The following RBFOX1 variants were observed in gnomAD, a reference collection of about 807,000 sequenced individuals.
The protein encoded by RBFOX1 is RNA binding fox-1 homolog 1.
RBFOX1 carries 8 observed loss-of-function variants against 57.7 expected under a neutral mutation model. That is an observed-to-expected ratio of 0.14 (90% CI 0.08 to 0.25). RBFOX1 has a LOEUF of 0.25. Among genes scored for constraint, RBFOX1 ranks in the 10% least tolerant of loss-of-function variants. The pLI, the probability that RBFOX1 is intolerant of heterozygous loss-of-function variation, is 1.00. For synonymous variants in RBFOX1, 326 were observed against 222.4 expected, an observed-to-expected ratio of 1.47 and a Z score of -4.15; for missense variants, 611 against 548.5, an observed-to-expected ratio of 1.11 and a Z score of -1.14.
intron 3 of RBFOX1, among the ~76,000 whole-genome samples, chr16:6,701,927 G>C (rs1020571770): frequency 6.6e-6 from 1 of 152,104 alleles, no homozygotes; most frequent in Non-Finnish European, 1.5e-5. Flanking sequence ...AGGGACAACA[G>C]ACACCGGGGC....
intron 4 of RBFOX1, among the ~76,000 whole-genome samples, chr16:7,343,328 GA>G: frequency 6.6e-6 from 1 of 152,252 alleles, no homozygotes; most frequent in East Asian, 1.9e-4. Context: ...AGCTGCTATG[GA>G]TCAGTGTCCA....
At chr16:7,429,586 A>G (rs183867900) in intron 4 of RBFOX1, among the ~76,000 whole-genome samples, 18 of 152,328 alleles carry the variant, frequency 1.2e-4, no homozygotes, top group African/African-American at 4.3e-4. Context: ...AGAGCCTAGA[A>G]TCTAGAGGAG....
chr16:6,540,457 C>A (rs768309217), intron 2 of RBFOX1, among the ~76,000 whole-genome samples: 1 of 151,592 alleles, frequency 6.6e-6, no homozygotes, highest in Admixed American at 6.6e-5. Flanking sequence ...ACTAAAAATA[C>A]AAAAATTAGC....
At chr16:7,400,943 G>A (rs892275965) in intron 4 of RBFOX1, among the ~76,000 whole-genome samples, 12 of 152,054 alleles carry the variant, frequency 7.9e-5, no homozygotes, top group African/African-American at 2.7e-4. Flanking sequence ...ATACCACCAC[G>A]GTATTTTATT....
chr16:7,707,690 A>C (rs1184701458), intron 14 of RBFOX1, among the ~76,000 whole-genome samples: 1 of 152,290 alleles, frequency 6.6e-6, no homozygotes, highest in East Asian at 1.9e-4. Context: ...CTCCTCAGGA[A>C]AGCCCACAGC....
intron 4 of RBFOX1, among the ~76,000 whole-genome samples, chr16:7,449,437 A>G (rs1320953881): frequency 3.9e-5 from 6 of 152,168 alleles, no homozygotes; most frequent in Non-Finnish European, 4.4e-5. Flanking sequence ...GAGGTTTGGC[A>G]GGAGTGAGCC....
At chr16:6,217,656 A>T (rs999746644) in intron 1 of RBFOX1, among the ~76,000 whole-genome samples, 2 of 152,088 alleles carry the variant, frequency 1.3e-5, no homozygotes, top group East Asian at 3.9e-4. Flanking sequence ...GTCTCTTGGG[A>T]CCACTTCATT....
At chr16:6,193,379 TTATATATATATACTATATATATATATA>T (rs2097156057) in intron 1 of RBFOX1, among the ~76,000 whole-genome samples, 2 of 63,136 alleles carry the variant, frequency 3.2e-5, no homozygotes, top group African/African-American at 5.1e-5. Context: ...TATATATACA[TTATATATATATACTATATATATATATA>T]TATATATATA....
chr16:7,113,390 A>G lies in RBFOX1; in HGVS notation c.27+61292A>G, dbSNP rs555168550. On this transcript the variant is annotated intron_variant, in intron 4 of 15. Coordinates refer to ENST00000550418, the MANE Select transcript of RBFOX1 (RefSeq NM_018723.4). The stretch of plus-strand genomic sequence containing the variant: ...CCGCAGTAAAGATTCTTACAAAGCA[A>G]AAGATAAAAAGTTTCCCTTCTTTCT... Among the ~76,000 whole-genome samples the G allele has an allele frequency of 9.8e-5, 15 of 152,302 alleles. No individual in the cohort carries two copies. In the East Asian group the frequency reaches 2.9e-3, roughly 29 times the overall value.
At chr16:5,843,558 G>A (rs1028869340) in intron 3 of RBFOX1, among the ~76,000 whole-genome samples, 1 of 152,090 alleles carries the variant, frequency 6.6e-6, no homozygotes, top group Non-Finnish European at 1.5e-5. Context: ...CCATTAATGG[G>A]CATTTAGGTC....
intron 3 of RBFOX1, among the ~76,000 whole-genome samples, chr16:6,787,621 C>T (rs1041688370): frequency 6.6e-6 from 1 of 152,046 alleles, no homozygotes; most frequent in African/African-American, 2.4e-5. Context: ...CCACTGTGAC[C>T]TTGGAGGCCA....
At chr16:6,073,554 C>T (rs2095861130) in intron 1 of RBFOX1, among the ~76,000 whole-genome samples, 2 of 152,164 alleles carry the variant, frequency 1.3e-5, no homozygotes, top group East Asian at 1.9e-4. Flanking sequence ...TGAAGCATTT[C>T]CCCCGTGTTT....
At chr16:6,224,476 C>G (rs1166282111) in intron 1 of RBFOX1, among the ~76,000 whole-genome samples, 2 of 152,072 alleles carry the variant, frequency 1.3e-5, no homozygotes, top group Non-Finnish European at 2.9e-5. Flanking sequence ...GCTGATGTTG[C>G]TGGTCTATGG....
chr16:7,564,790 T>C (rs2091289752), intron 5 of RBFOX1, among the ~76,000 whole-genome samples: 1 of 122,802 alleles, frequency 8.1e-6, no homozygotes, highest in Non-Finnish European at 1.8e-5. Flanking sequence ...CCCTTGTACA[T>C]TCATCCTATT....
chr16:5,697,520 C>G (rs932481962), intron 3 of RBFOX1, among the ~76,000 whole-genome samples: 1 of 135,510 alleles, frequency 7.4e-6, no homozygotes, highest in Non-Finnish European at 1.6e-5. Context: ...GTGGGCTTTT[C>G]TTTTCTTTTC....
chr16:7,237,503 G>A (rs1319976190), intron 4 of RBFOX1, among the ~76,000 whole-genome samples: 1 of 152,168 alleles, frequency 6.6e-6, no homozygotes, highest in African/African-American at 2.4e-5. Context: ...TATCTCATTA[G>A]CCTGAAGCAC....
chr16:5,582,956 G>A (rs2046720948), intron 2 of RBFOX1, among the ~76,000 whole-genome samples: 1 of 152,160 alleles, frequency 6.6e-6, no homozygotes. Context: ...CGGGAGCCAG[G>A]CTCTATTGTG....
intron 14 of RBFOX1, among the ~76,000 whole-genome samples, chr16:7,700,296 C>T (rs187683963): frequency 6.6e-6 from 1 of 152,186 alleles, no homozygotes; most frequent in Non-Finnish European, 1.5e-5. Context: ...TAATCATAAC[C>T]CTCCTCTCAC....
At chr16:7,304,878 T>C (rs1202621498) in intron 4 of RBFOX1, among the ~76,000 whole-genome samples, 1 of 151,510 alleles carries the variant, frequency 6.6e-6, no homozygotes, top group Non-Finnish European at 1.5e-5. Flanking sequence ...GCTGATTTAA[T>C]AGAGAGTGGA....
Sources: gnomAD v4.1 joint callset for allele counts (sites outside exome capture counted in the v4.1 genomes callset) on GRCh38, gnomAD v4.1.1 for gene constraint, MANE v1.5 for transcripts, NCBI Gene and HGNC (gene_info 2026-07-23, HGNC 2026-07-21) for gene names.